The following EBF2 variants were observed in gnomAD, a reference collection of about 807,000 sequenced individuals.
EBF2 encodes EBF transcription factor 2.
EBF2 carries 21 observed loss-of-function variants against 72.8 expected under a neutral mutation model. That is an observed-to-expected ratio of 0.29 (90% CI 0.20 to 0.42). EBF2 has a LOEUF of 0.42. Ranked by LOEUF, EBF2 falls within the 10% of genes least tolerant of loss-of-function variation. EBF2 has a pLI of 1.00. For synonymous variants in EBF2, 299 were observed against 274.2 expected (o/e 1.09, Z -0.89); for missense variants, 637 against 731.2 (o/e 0.87, Z 1.49).
intron 6 of EBF2, among the ~76,000 whole-genome samples, chr8:26,009,503 T>C (rs993792330): frequency 6.6e-6 from 1 of 152,230 alleles, no homozygotes; most frequent in Non-Finnish European, 1.5e-5. Context: ...TGAATAATTA[T>C]GCAAAAGGTA....
At chr8:25,968,387 A>G (rs2117186069) in intron 6 of EBF2, among the ~76,000 whole-genome samples, 1 of 152,332 alleles carries the variant, frequency 6.6e-6, no homozygotes, top group South Asian at 2.1e-4. Context: ...ACGCTACAAC[A>G]TGGATAAGCC....
intron 5 of EBF2, among the ~76,000 whole-genome samples, chr8:26,033,579 C>T (rs182660102): frequency 1.1e-4 from 16 of 152,226 alleles, no homozygotes; most frequent in African/African-American, 3.9e-4. Flanking sequence ...ACAACACACA[C>T]TGGGGCCTGT....
intron 10 of EBF2, among the ~76,000 whole-genome samples, chr8:25,876,961 T>C (rs901838576): frequency 1.3e-5 from 2 of 152,198 alleles, no homozygotes; most frequent in Non-Finnish European, 1.5e-5. Context: ...TTATTCTGTC[T>C]TATGATAGAA....
intron 5 of EBF2, among the ~76,000 whole-genome samples, chr8:26,034,989 G>A (rs1244279268): frequency 6.6e-6 from 1 of 152,180 alleles, no homozygotes; most frequent in South Asian, 2.1e-4. Context: ...AAGTGAAAGT[G>A]TTGGATTTGA....
Position 26,044,492 on chromosome 8 carries a change from G to A in EBF2, c.131+237C>T, listed in dbSNP as rs4872387. ...AAAGAGTGGACTGTGGTAAAGGAGA[G>A]GGAGAGAAACGCCTACGACCCAGGC... On this transcript the variant is annotated intron_variant, in intron 1 of 15. Coordinates refer to ENST00000520164, the MANE Select transcript of EBF2 (RefSeq NM_022659.4). The surrounding 1 kb of genome is among the most constrained non-coding windows in gnomAD (Gnocchi z 4.1). Among the ~76,000 whole-genome samples the A allele has an allele frequency of 0.98, 148,559 of 152,354 alleles. 72,439 individuals carry two copies. Among genetic ancestry groups the A allele is most frequent in the East Asian group, 1 (5,174 of 5,178 alleles).
At chr8:25,920,726 T>A (rs964572396) in intron 6 of EBF2, among the ~76,000 whole-genome samples, 1 of 151,982 alleles carries the variant, frequency 6.6e-6, no homozygotes, top group East Asian at 1.9e-4. Context: ...TTTCACCTAA[T>A]ATACACATTC....
At position 26,013,875 on chromosome 8, in the gene EBF2, GC is replaced by G. The variant is rs1350908609; in HGVS notation, c.551+19209del. Among the ~76,000 whole-genome samples the G allele has an allele frequency of 3.3e-5, 5 of 152,228 alleles. No homozygotes were observed. In the East Asian group the frequency reaches 7.7e-4, roughly 24 times the overall value. On this transcript the variant is annotated intron_variant, in intron 6 of 15. Coordinates refer to ENST00000520164, the MANE Select transcript of EBF2 (RefSeq NM_022659.4). ...TTCTCCAACAACTGTATCAGAGGCA[GC>G]ATCCGGATATTGCTATAACACCTTC... is the stretch of plus-strand genomic sequence containing the variant.
chr8:26,041,278 G>A, intron 2 of EBF2: 1 of 507,768 alleles, frequency 2.0e-6, no homozygotes, highest in Non-Finnish European at 3.6e-6. Context: ...CCGACAACAG[G>A]ACCACTTGCC....
At chr8:25,936,381 T>G (rs561514216) in intron 6 of EBF2, among the ~76,000 whole-genome samples, 2 of 152,272 alleles carry the variant, frequency 1.3e-5, no homozygotes, top group Non-Finnish European at 2.9e-5. Flanking sequence ...GCACCACTTT[T>G]TATAAAGGCC....
Position 25,887,852 on chromosome 8 carries a change from A to G in EBF2, c.872T>C (p.Val291Ala), listed in dbSNP as rs781773214. Residue 291 changes from valine (V) to alanine (A), a missense_variant, in exon 9 of 16, where the codon GTA becomes GCA. Val to Ala is a moderately conservative substitution (Grantham distance 64). Coordinates refer to ENST00000520164, the MANE Select transcript of EBF2 (RefSeq NM_022659.4). The part of the protein sequence containing the change: ...GLQVVFGTML[V>A]WSELITPHAI... ...GTTGCCTCTGCTTACCTCGCTCCAT[A>G]CAAGCATAGTCCCAAACACCACTTG... 1 of 1,609,234 alleles carries G rather than the reference A, an allele frequency of 6.2e-7. No homozygotes were observed. The highest frequency in any genetic ancestry group is 1.1e-5 in the South Asian group (1 of 90,110).
In EBF2 at chr8:26,044,587, G is replaced by A. The variant is rs1585240062; in HGVS notation, c.131+142C>T. On this transcript the variant is annotated intron_variant, in intron 1 of 15. Transcript: ENST00000520164. The surrounding 1 kb of genome is among the most constrained non-coding windows in gnomAD (Gnocchi z 4.1). ...ACTGCAGCGATCTGCTTGCCCGAGG[G>A]CGAGCCCCAGCGCGCAGGGCCTGGG... The A allele has an allele frequency of 9.5e-6, 12 of 1,268,908 alleles. No homozygotes were observed. In the East Asian group the frequency reaches 2.8e-4, roughly 30 times the overall value. The allele number at this position is 1,268,908 out of a possible 1,614,324, so 78.6% of individuals were successfully genotyped here.
chr8:26,044,063 A>G lies in EBF2; in HGVS notation c.131+666T>C, dbSNP rs1466562. ...TCCGCAACTCTTTCTACTGTGACTCAGTATTTTCTCTTCTTTTAAATCTCT... is the reference window on the plus strand; with the variant it reads ...TCCGCAACTCTTTCTACTGTGACTCGGTATTTTCTCTTCTTTTAAATCTCT... On this transcript the variant is annotated intron_variant, in intron 1 of 15. Transcript: ENST00000520164. This position sits in a 1 kb window ranked among gnomAD's most constrained non-coding sequence, Gnocchi z 4.1. 0.29 allele frequency among the ~76,000 whole-genome samples: 43,731 copies of G among 152,124 alleles called. 6,616 individuals carry two copies. The highest frequency in any genetic ancestry group is 0.36 in the East Asian group (1,841 of 5,162).
rs72239959 is a variant in EBF2, at chr8:25,864,501, A to AACAC, written c.1010-1708_1010-1705dup. ...TTCCAAGAACTGGTAGATACACACA[A>AACAC]ACACACACACACACACACACACACA... is the stretch of plus-strand genomic sequence containing the variant. On this transcript the variant is annotated intron_variant, in intron 10 of 15. Coordinates refer to ENST00000520164, the MANE Select transcript of EBF2 (RefSeq NM_022659.4). 3.3e-3 allele frequency among the ~76,000 whole-genome samples: 490 copies of AACAC among 149,426 alleles called. 3 individuals are homozygous for AACAC. Among genetic ancestry groups the AACAC allele is most frequent in the East Asian group, 0.028 (142 of 5,042 alleles).
Position 25,986,715 on chromosome 8 carries a change from CTG to C in EBF2, c.551+46368_551+46369del, listed in dbSNP as rs1300907958. ...CTTTTTAGGGGGATGGCACAATACT[CTG>C]TGATTCATCAATGTCACTAACAATA... is the stretch of plus-strand genomic sequence containing the variant. On this transcript the variant is annotated intron_variant, in intron 6 of 15. Transcript: ENST00000520164. Among the ~76,000 whole-genome samples, 113 of 152,262 alleles carry C rather than the reference CTG, an allele frequency of 7.4e-4. 1 individual carries two copies. Among genetic ancestry groups the C allele is most frequent in the Admixed American group, 7.3e-3 (112 of 15,294 alleles).
chr8:26,039,767 G>A (rs1373479823), intron 5 of EBF2, among the ~76,000 whole-genome samples: 2 of 152,216 alleles, frequency 1.3e-5, no homozygotes, highest in East Asian at 1.9e-4. Flanking sequence ...GGGCACAGTG[G>A]AGACTTTCCA....
At chr8:25,899,638 A>C (rs1802917333) in intron 7 of EBF2, among the ~76,000 whole-genome samples, 1 of 152,240 alleles carries the variant, frequency 6.6e-6, no homozygotes, top group Admixed American at 6.5e-5. Flanking sequence ...GGGTTTAAAA[A>C]TCATAAGGGG....
intron 6 of EBF2, among the ~76,000 whole-genome samples, chr8:25,957,921 T>C (rs1388326535): frequency 4.6e-5 from 7 of 152,172 alleles, no homozygotes; most frequent in African/African-American, 1.7e-4. Context: ...CAGACCATCT[T>C]TAGCCAGTGA....
intron 6 of EBF2, among the ~76,000 whole-genome samples, chr8:25,947,010 ACACAGCTCTT>A (rs1803780601): frequency 1.3e-5 from 2 of 152,176 alleles, no homozygotes; most frequent in South Asian, 4.1e-4. Context: ...TTTAGTCCTC[ACACAGCTCTT>A]CTTGCCTGAA....
intron 6 of EBF2, among the ~76,000 whole-genome samples, chr8:25,911,117 C>A (rs1803122137): frequency 6.6e-6 from 1 of 152,030 alleles, no homozygotes; most frequent in Admixed American, 6.6e-5. Flanking sequence ...CATTTAGCCA[C>A]GGGGTAACTT....
Sources: gnomAD v4.1 joint callset for allele counts (sites outside exome capture counted in the v4.1 genomes callset) on GRCh38, gnomAD v4.1.1 for gene constraint, Gnocchi (gnomAD v3.1) non-coding constraint, MANE v1.5 for transcripts, NCBI Gene and HGNC (gene_info 2026-07-23, HGNC 2026-07-21) for gene names.